SCCPDH: variants seen among roughly 807,000 people sequenced by gnomAD.
SCCPDH encodes saccharopine dehydrogenase (putative), also known as saccharopine dehydrogenase-like oxidoreductase.
In SCCPDH, 34 loss-of-function variants were observed where a neutral mutation model predicts 51.5. The ratio of observed to expected loss-of-function variants is 0.66; its 90% CI spans 0.50 to 0.88. The LOEUF (loss-of-function observed/expected upper bound fraction) is 0.88. Ranked by LOEUF, SCCPDH falls within the 40% of genes least tolerant of loss-of-function variation. The probability of loss-of-function intolerance (pLI) is 0.00; values close to 1 mark genes in which losing one functional copy is unlikely to be tolerated. For synonymous variants in SCCPDH, 187 were observed against 191.3 expected (o/e 0.98, Z 0.19); for missense variants, 464 against 527.1 (o/e 0.88, Z 1.17).
intron 5 of SCCPDH, chr1:246,755,399 C>T (rs758840760): frequency 6.6e-6 from 1 of 152,208 alleles, no homozygotes; most frequent in Non-Finnish European, 1.5e-5. Context: ...AGATCAAGAC[C>T]TGTTATTAAG....
intron 3 of SCCPDH, among the ~76,000 whole-genome samples, chr1:246,737,300 G>A (rs1437342549): frequency 2.0e-5 from 3 of 151,384 alleles, no homozygotes; most frequent in Admixed American, 6.6e-5. Context: ...GAGGCTAGGT[G>A]GGAGGATGAC....
chr1:246,729,376 A>G (rs1239074769), intron 2 of SCCPDH, among the ~76,000 whole-genome samples: 1 of 151,928 alleles, frequency 6.6e-6, no homozygotes, highest in African/African-American at 2.4e-5. Flanking sequence ...ACTGCATAAG[A>G]CAGACACTCC....
intron 11 of SCCPDH, 81 bp from the exon 12 acceptor site, chr1:246,767,114 A>T (rs1669096773): frequency 1.1e-6 from 1 of 912,746 alleles, no homozygotes; most frequent in Non-Finnish European, 1.6e-6. Flanking sequence ...GGGGTTCTGT[A>T]GCAATTTGAT....
At chr1:246,735,210 A>T (rs1668547749) in intron 2 of SCCPDH, among the ~76,000 whole-genome samples, 1 of 152,212 alleles carries the variant, frequency 6.6e-6, no homozygotes. Flanking sequence ...AGCATGGCAC[A>T]TGTGGTCCTT....
intron 2 of SCCPDH, 117 bp downstream of exon 2, chr1:246,727,121 A>T: frequency 6.4e-6 from 5 of 780,998 alleles, no homozygotes; most frequent in Non-Finnish European, 1.0e-5. Flanking sequence ...TTAACCCCAT[A>T]TGGGGAGTTT....
At chr1:246,750,079 C>T (rs1470159531) in intron 5 of SCCPDH, among the ~76,000 whole-genome samples, 3 of 152,120 alleles carry the variant, frequency 2.0e-5, no homozygotes, top group Non-Finnish European at 4.4e-5. Flanking sequence ...GCTCTTTGGA[C>T]CCAGGTGTAA....
In SCCPDH at chr1:246,767,343, C is replaced by A; in HGVS notation, c.*43C>A. On this transcript the variant is annotated 3_prime_UTR_variant, in exon 12 of 12. Transcript: ENST00000366510. The stretch of plus-strand genomic sequence containing the variant: ...TGAAGTCATAACGTGCGTGAATTAA[C>A]AGCTTCTCTATTTGATATTTGAAAT... The A allele has an allele frequency of 8.7e-7, 1 of 1,152,010 alleles. No homozygotes were observed. Among genetic ancestry groups the A allele is most frequent in the Non-Finnish European group, 1.2e-6 (1 of 815,288 alleles). 71.4% of individuals were successfully genotyped at this position (1,152,010 alleles called of 1,614,324 possible).
At chr1:246,765,801 T>C (rs1421805891) in intron 10 of SCCPDH, among the ~76,000 whole-genome samples, 5 of 152,226 alleles carry the variant, frequency 3.3e-5, no homozygotes, top group African/African-American at 1.2e-4. Context: ...CCTCTCTCTC[T>C]ATGGGATAAA....
chr1:246,730,105 C>T lies in SCCPDH; in HGVS notation c.303+3101C>T, dbSNP rs913751070. Among the ~76,000 whole-genome samples, 3 of 152,190 alleles carry T rather than the reference C, an allele frequency of 2.0e-5. No homozygotes were observed. The East Asian group carries it at 5.8e-4, about 29-fold the overall frequency. ...TCTACTTTTTGTGCCCCCTTTTTAG[C>T]AGCCTCCTTGGAAGAATTCTCATGA... On this transcript the variant is annotated intron_variant, in intron 2 of 11. Coordinates refer to ENST00000366510, the MANE Select transcript of SCCPDH (RefSeq NM_016002.3).
At position 246,766,048 on chromosome 1, in the gene SCCPDH, T is replaced by C; in HGVS notation, c.1103-10T>C. On this transcript the variant is annotated splice_polypyrimidine_tract_variant and intron_variant, in intron 10 of 11. Transcript: ENST00000366510. ...TCCTTTCTTTTTCCCTGATCAACTG[T>C]TTTCTGCAGAGGCTGGCTATGTGGC... 6.3e-7 allele frequency: 1 copy of C among 1,590,640 alleles called. No individual in the cohort carries two copies. The highest frequency in any genetic ancestry group is 8.6e-7 in the Non-Finnish European group (1 of 1,168,286).
intron 1 of SCCPDH, 33 bp downstream of exon 1, chr1:246,724,645 G>A (rs1427666110): frequency 1.3e-5 from 18 of 1,430,316 alleles, no homozygotes; most frequent in African/African-American, 1.5e-5. Flanking sequence ...GGCTGCGCGG[G>A]CGGCTGGGCC....
At chr1:246,740,808 T>TAGAAAATTATG (rs1386894906) in intron 4 of SCCPDH, among the ~76,000 whole-genome samples, 1 of 152,166 alleles carries the variant, frequency 6.6e-6, no homozygotes, top group African/African-American at 2.4e-5. Context: ...GAGCAGGGTG[T>TAGAAAATTATG]GGTGGCTTAC....
chr1:246,732,475 C>T (rs1443468026), intron 2 of SCCPDH, among the ~76,000 whole-genome samples: 1 of 152,004 alleles, frequency 6.6e-6, no homozygotes, highest in African/African-American at 2.4e-5. Flanking sequence ...GCAACCTCCA[C>T]CTCCCGGGTT....
chr1:246,761,370 C>T (rs1311329082), intron 9 of SCCPDH, among the ~76,000 whole-genome samples: 4 of 152,188 alleles, frequency 2.6e-5, no homozygotes, highest in Non-Finnish European at 4.4e-5. Flanking sequence ...CCACTGCGCC[C>T]GGCCTCTTTT....
chr1:246,724,979 C>T (rs1476160755), intron 1 of SCCPDH, among the ~76,000 whole-genome samples: 1 of 152,074 alleles, frequency 6.6e-6, no homozygotes, highest in African/African-American at 2.4e-5. Flanking sequence ...GTTGAATCTG[C>T]GGGTTTCTAG....
At position 246,725,975 on chromosome 1, in the gene SCCPDH, C is replaced by T. The variant is rs1668392209; in HGVS notation, c.191-917C>T. The stretch of plus-strand genomic sequence containing the variant: ...TTTTGTTTGTTTGTTTGCCATTCTC[C>T]TGCCTCAGCCTCCTGAGTAGCTGGG... On this transcript the variant is annotated intron_variant, in intron 1 of 11. Transcript: ENST00000366510. Among the ~76,000 whole-genome samples the T allele has an allele frequency of 1.3e-5, 2 of 152,176 alleles. 1 individual carries two copies.
chr1:246,761,770 C>T (rs1273388287), intron 9 of SCCPDH, among the ~76,000 whole-genome samples: 1 of 152,224 alleles, frequency 6.6e-6, no homozygotes, highest in Non-Finnish European at 1.5e-5. Flanking sequence ...GTCTGGATCA[C>T]ATTTTGTGTA....
intron 5 of SCCPDH, among the ~76,000 whole-genome samples, chr1:246,746,856 T>C (rs1022287543): frequency 6.6e-6 from 1 of 152,006 alleles, no homozygotes; most frequent in African/African-American, 2.4e-5. Flanking sequence ...TAAAAATAAG[T>C]GATAGTGGGC....
chr1:246,730,992 G>A (rs971104584), intron 2 of SCCPDH, among the ~76,000 whole-genome samples: 9 of 152,192 alleles, frequency 5.9e-5, no homozygotes, highest in Non-Finnish European at 7.3e-5. Context: ...TCCGGGAGGC[G>A]GAGGTTACAG....
Sources: gnomAD v4.1 joint callset for allele counts (sites outside exome capture counted in the v4.1 genomes callset) on GRCh38, gnomAD v4.1.1 for gene constraint, MANE v1.5 for transcripts, NCBI Gene and HGNC (gene_info 2026-07-23, HGNC 2026-07-21) for gene names.